Variants in PPP2R2C observed in about 807,000 individuals in gnomAD.
PPP2R2C encodes protein phosphatase 2, regulatory subunit B, gamma.
In PPP2R2C, 10 loss-of-function variants were observed where a neutral mutation model predicts 45.3. The ratio of observed to expected loss-of-function variants is 0.22; its 90% CI spans 0.14 to 0.37. The LOEUF (loss-of-function observed/expected upper bound fraction) is 0.37. Ranked by LOEUF, PPP2R2C falls within the 10% of genes least tolerant of loss-of-function variation. The pLI is 1.00. For missense variants in PPP2R2C, 308 were observed against 619.7 expected (o/e 0.50, Z 5.34); for synonymous variants, 257 against 245.4 (o/e 1.05, Z -0.44).
chr4:6,340,026 C>T lies in PPP2R2C; in HGVS notation c.791-6295G>A, dbSNP rs190562439. Among the ~76,000 whole-genome samples, 11 of 152,314 alleles carry T rather than the reference C, an allele frequency of 7.2e-5. No individual in the cohort carries two copies. The East Asian group carries it at 1.4e-3, about 19-fold the overall frequency. On this transcript the variant is annotated intron_variant, in intron 6 of 8. Coordinates refer to ENST00000382599, the MANE Select transcript of PPP2R2C (RefSeq NM_020416.4). ...GGGGCCTCCTGTTCGGCCTCTTTCC[C>T]TATCCCTGAGGCTGTACACAGTGGG...
intron 5 of PPP2R2C, chr4:6,349,642 C>T (rs565953397): frequency 5.4e-6 from 5 of 924,858 alleles, no homozygotes; most frequent in African/African-American, 1.8e-5. Flanking sequence ...AGATCGAGAC[C>T]ATTCTGGCCA....
intron 2 of PPP2R2C, among the ~76,000 whole-genome samples, chr4:6,522,999 G>A (rs1027374847): frequency 1.3e-5 from 2 of 152,224 alleles, no homozygotes; most frequent in African/African-American, 2.4e-5. Flanking sequence ...GGGGTGGACC[G>A]GGGAGGCTCC....
At chr4:6,338,255 T>C (rs1733147792) in intron 6 of PPP2R2C, among the ~76,000 whole-genome samples, 1 of 152,224 alleles carries the variant, frequency 6.6e-6, no homozygotes, top group Non-Finnish European at 1.5e-5. Context: ...TGGAGAGCTC[T>C]CAATCAGCCG....
intron 2 of PPP2R2C, among the ~76,000 whole-genome samples, chr4:6,493,805 T>C (rs1196604551): frequency 6.6e-6 from 1 of 152,230 alleles, no homozygotes; most frequent in Non-Finnish European, 1.5e-5. Context: ...CCCTGATTAA[T>C]GGTTTTCTCT....
At chr4:6,508,457 CG>C (rs1257011229) in intron 2 of PPP2R2C, among the ~76,000 whole-genome samples, 1 of 151,950 alleles carries the variant, frequency 6.6e-6, no homozygotes, top group Non-Finnish European at 1.5e-5. Flanking sequence ...GGCATAGTGG[CG>C]GGTGCCTGTA....
At chr4:6,459,996 A>G (rs2108756206) in intron 1 of PPP2R2C, among the ~76,000 whole-genome samples, 1 of 152,318 alleles carries the variant, frequency 6.6e-6, no homozygotes, top group African/African-American at 2.4e-5. Flanking sequence ...CCAAATATGC[A>G]CGCAAAAAGG....
chr4:6,555,754 C>G (rs1186026501), intron 1 of PPP2R2C: 1 of 152,182 alleles, frequency 6.6e-6, no homozygotes, highest in Non-Finnish European at 1.5e-5. Flanking sequence ...GGTGGGAAGG[C>G]GATTCTGTAT....
intron 1 of PPP2R2C, among the ~76,000 whole-genome samples, chr4:6,548,772 G>A (rs549532670): frequency 1.3e-5 from 2 of 152,336 alleles, no homozygotes; most frequent in East Asian, 1.9e-4. Context: ...AACAGCCTTG[G>A]TTCAGTGGGA....
intron 1 of PPP2R2C, among the ~76,000 whole-genome samples, chr4:6,547,469 C>T (rs1725023735): frequency 6.6e-6 from 1 of 152,176 alleles, no homozygotes; most frequent in South Asian, 2.1e-4. Flanking sequence ...GAACACTGGA[C>T]ACTGGGTGCC....
intron 2 of PPP2R2C, among the ~76,000 whole-genome samples, chr4:6,534,841 C>T (rs1724547516): frequency 6.6e-6 from 1 of 152,260 alleles, no homozygotes; most frequent in Non-Finnish European, 1.5e-5. Flanking sequence ...GGGTCGGCCG[C>T]TCAGTGTGAG....
At chr4:6,371,889 C>T (rs73206127) in intron 5 of PPP2R2C, among the ~76,000 whole-genome samples, 8 of 152,322 alleles carry the variant, frequency 5.3e-5, no homozygotes, top group Non-Finnish European at 1.2e-4. Flanking sequence ...GCCTGCCCGC[C>T]CACCAGCCCC....
At chr4:6,408,059 C>T (rs972452984) in intron 1 of PPP2R2C, among the ~76,000 whole-genome samples, 4 of 152,146 alleles carry the variant, frequency 2.6e-5, no homozygotes, top group Non-Finnish European at 4.4e-5. Flanking sequence ...TTTCTTTTTA[C>T]GTGCATAACC....
intron 1 of PPP2R2C, among the ~76,000 whole-genome samples, chr4:6,401,199 C>T (rs941513670): frequency 1.3e-5 from 2 of 152,038 alleles, no homozygotes; most frequent in East Asian, 3.9e-4. Flanking sequence ...GCTTGCCTGC[C>T]CCTCTGAGAA....
At chr4:6,511,525 ATGGTGG>A (rs758738312) in intron 2 of PPP2R2C, among the ~76,000 whole-genome samples, 2 of 4,658 alleles carry the variant, frequency 4.3e-4, no homozygotes, top group South Asian at 0.018. Context: ...GGTGGTGGTG[ATGGTGG>A]TGGTGGTGGT....
chr4:6,501,803 G>A (rs1723065035), intron 2 of PPP2R2C, among the ~76,000 whole-genome samples: 1 of 152,214 alleles, frequency 6.6e-6, no homozygotes, highest in Non-Finnish European at 1.5e-5. Flanking sequence ...GAGGACCTCA[G>A]CCTCCAGAGG....
chr4:6,498,187 T>C (rs1281322985), intron 2 of PPP2R2C, among the ~76,000 whole-genome samples: 1 of 152,158 alleles, frequency 6.6e-6, no homozygotes, highest in African/African-American at 2.4e-5. Flanking sequence ...CGACAAGGAA[T>C]ACGAAATGAA....
At chr4:6,537,873 A>T (rs1333082399) in intron 1 of PPP2R2C, among the ~76,000 whole-genome samples, 1 of 152,140 alleles carries the variant, frequency 6.6e-6, no homozygotes, top group Non-Finnish European at 1.5e-5. Context: ...TAAATAAAAT[A>T]AACCAGTCGC....
intron 2 of PPP2R2C, among the ~76,000 whole-genome samples, chr4:6,527,065 G>T (rs1424689753): frequency 6.6e-6 from 1 of 152,158 alleles, no homozygotes; most frequent in African/African-American, 2.4e-5. Context: ...GGGAGCTGCA[G>T]GTTTGAATCT....
intron 1 of PPP2R2C, among the ~76,000 whole-genome samples, chr4:6,546,348 T>TA (rs1045190654): frequency 6.6e-6 from 1 of 152,234 alleles, no homozygotes; most frequent in Middle Eastern, 3.4e-3. Flanking sequence ...GCATGTGCTT[T>TA]AAAAAAAGTA....
Sources: gnomAD v4.1 joint callset for allele counts (sites outside exome capture counted in the v4.1 genomes callset) on GRCh38, gnomAD v4.1.1 for gene constraint, MANE v1.5 for transcripts, NCBI Gene and HGNC (gene_info 2026-07-23, HGNC 2026-07-21) for gene names.